Variants in NEBL observed in about 807,000 individuals in gnomAD.
NEBL encodes the protein LIM and SH3 protein 2.
A neutral mutation model predicts 140.2 loss-of-function variants in NEBL; 122 were observed. The observed-to-expected ratio is 0.87, with a 90% CI of 0.75 to 1.01. NEBL has a LOEUF of 1.01. Ranked by LOEUF, NEBL falls within the 50% of genes least tolerant of loss-of-function variation. NEBL has a pLI of 0.00. For synonymous variants in NEBL, 436 were observed against 398.9 expected, an observed-to-expected ratio of 1.09 and a Z score of -1.11; for missense variants, 1,365 against 1,231.3, an observed-to-expected ratio of 1.11 and a Z score of -1.62.
At chr10:20,964,611 A>T (rs112063870) in intron 3 of NEBL, among the ~76,000 whole-genome samples, 2 of 152,174 alleles carry the variant, frequency 1.3e-5, no homozygotes, top group African/African-American at 4.8e-5. Context: ...AACACCTCCC[A>T]TTAGTGCATA....
At chr10:21,207,486 C>T (rs571091834) in intron 3 of NEBL, among the ~76,000 whole-genome samples, 47 of 152,184 alleles carry the variant, frequency 3.1e-4, no homozygotes, top group African/African-American at 9.6e-4. Flanking sequence ...CCTAACAAAA[C>T]CCAGATTTGG....
intron 4 of NEBL, among the ~76,000 whole-genome samples, chr10:20,886,991 G>C (rs1293018861): frequency 6.6e-6 from 1 of 152,204 alleles, no homozygotes; most frequent in African/African-American, 2.4e-5. Context: ...CAAGGAACGA[G>C]ACAGATGAGG....
At chr10:21,107,838 A>G (rs977987378) in intron 2 of NEBL, among the ~76,000 whole-genome samples, 4 of 152,164 alleles carry the variant, frequency 2.6e-5, no homozygotes, top group African/African-American at 9.7e-5. Context: ...TATTGCCTCA[A>G]TTTCAGAACC....
At chr10:20,921,058 T>G (rs1833558091) in intron 4 of NEBL, among the ~76,000 whole-genome samples, 1 of 152,152 alleles carries the variant, frequency 6.6e-6, no homozygotes, top group South Asian at 2.1e-4. Flanking sequence ...ATCAAAAAAG[T>G]AGAAAGAATA....
chr10:21,141,769 C>G (rs1041875492), intron 2 of NEBL, among the ~76,000 whole-genome samples: 2 of 152,206 alleles, frequency 1.3e-5, no homozygotes, highest in African/African-American at 4.8e-5. Flanking sequence ...GTATGTTAAT[C>G]TTTCCTCTGC....
At position 20,809,718 on chromosome 10, in the gene NEBL, AC is replaced by A. The variant is rs145642401; in HGVS notation, c.2611+87del. ...AATTCTCAGCTTTAAAATTTACATT[AC>A]ACAGTACAATGAACCTCTACAGTTC... On this transcript the variant is annotated intron_variant, in intron 25 of 27. Coordinates refer to ENST00000377122, the MANE Select transcript of NEBL (RefSeq NM_006393.3). 3.2e-3 allele frequency: 3,422 copies of A among 1,077,300 alleles called. 77 individuals carry two copies. In the African/African-American group the frequency reaches 0.045, roughly 14 times the overall value. The allele number at this position is 1,077,300 out of a possible 1,614,324, so 66.7% of individuals were successfully genotyped here. A position where few individuals can be genotyped will look rare whatever the true frequency, so the allele number is the denominator to read the frequency against.
intron 2 of NEBL, among the ~76,000 whole-genome samples, chr10:21,148,519 T>TTGTTTC (rs1840004674): frequency 6.6e-6 from 1 of 151,928 alleles, no homozygotes; most frequent in Admixed American, 6.6e-5. Flanking sequence ...CGTTGTTGTT[T>TTGTTTC]TGTTTTTGTT....
At chr10:20,796,253 C>T (rs1836511289) in intron 26 of NEBL, among the ~76,000 whole-genome samples, 1 of 150,932 alleles carries the variant, frequency 6.6e-6, no homozygotes, top group Non-Finnish European at 1.5e-5. Context: ...ATCCCAGCTT[C>T]TCAGGAGGCT....
chr10:20,953,902 T>C (rs1032868042), intron 4 of NEBL, among the ~76,000 whole-genome samples: 3 of 152,064 alleles, frequency 2.0e-5, no homozygotes, highest in African/African-American at 7.2e-5. Context: ...AGCTCTATTC[T>C]AGGCATAACC....
At chr10:21,029,614 G>T in intron 2 of NEBL, 1 of 1,533,568 alleles carries the variant, frequency 6.5e-7, no homozygotes, top group Non-Finnish European at 9.0e-7. Context: ...TTCTGCCACA[G>T]ACAGCTTTGA....
At position 20,826,485 on chromosome 10, in the gene NEBL, T is replaced by G; in HGVS notation, c.1831A>C (p.Ile611Leu). 6.2e-7 allele frequency: 1 copy of G among 1,613,104 alleles called. No homozygotes were observed. The highest frequency in any genetic ancestry group is 1.3e-5 in the African/African-American group (1 of 75,014). The change falls in exon 18 of 28, where the codon ATC becomes CTC. Residue 611 changes from isoleucine (I) to leucine (L), a missense_variant. By Grantham distance (5) the Ile-to-Leu change is conservative (BLOSUM62 2). Around this residue, in one of 2 missense-constraint regions of NEBL, gnomAD observed 1,323 missense variants for 1,154.8 expected, o/e 1.15. Coordinates refer to ENST00000377122, the MANE Select transcript of NEBL (RefSeq NM_006393.3). Reference sequence around the variant, plus strand: ...TGCTGATTTTTCTTCACTCGTTCGATCTCTGGGCTATCTTTCACTGCAGTG... The same window carrying G: ...TGCTGATTTTTCTTCACTCGTTCGAGCTCTGGGCTATCTTTCACTGCAGTG... ...AGTAVKDSPE[I>L]ERVKKNQQNI...
chr10:20,885,710 G>C (rs191301473), intron 4 of NEBL, among the ~76,000 whole-genome samples: 3 of 152,304 alleles, frequency 2.0e-5, no homozygotes, highest in African/African-American at 7.2e-5. Context: ...AGCAATAATA[G>C]ATTGTTTTCC....
chr10:21,164,101 A>C (rs1398820621), intron 2 of NEBL, among the ~76,000 whole-genome samples: 2 of 152,218 alleles, frequency 1.3e-5, no homozygotes, highest in African/African-American at 4.8e-5. Flanking sequence ...AGCCAACCTG[A>C]GCATGGAAGA....
chr10:20,928,329 C>G (rs1834010349), intron 4 of NEBL, among the ~76,000 whole-genome samples: 1 of 152,162 alleles, frequency 6.6e-6, no homozygotes, highest in Non-Finnish European at 1.5e-5. Flanking sequence ...AGGCAGTAGT[C>G]ACATGTGGCC....
rs1250080570 is a variant in NEBL at position 20,831,048 on chromosome 10, T to C, written c.1671+148A>G. The C allele has an allele frequency of 4.4e-6, 3 of 674,412 alleles. No individual in the cohort carries two copies. The African/African-American group carries it at 5.3e-5, about 12-fold the overall frequency. The allele number at this position is 674,412 out of a possible 1,614,324, so 41.8% of individuals were successfully genotyped here. A position where few individuals can be genotyped will look rare whatever the true frequency, so the allele number is the denominator to read the frequency against. On this transcript the variant is annotated intron_variant, in intron 16 of 27. Transcript: ENST00000377122. ...TTGTCCTATTAATTAGTACGGTTAA[T>C]CAAGTTTGGCCAATGGTTTCTTAGT...
chr10:21,178,510 C>T (rs1361095426), upstream of NEBL, among the ~76,000 whole-genome samples: 1 of 152,258 alleles, frequency 6.6e-6, no homozygotes, highest in African/African-American at 2.4e-5. Flanking sequence ...CATTACTACA[C>T]ATCTCACCAG....
chr10:21,230,627 C>G (rs530999043), intron 3 of NEBL, among the ~76,000 whole-genome samples: 30 of 135,998 alleles, frequency 2.2e-4, no homozygotes, highest in Admixed American at 2.1e-3. Context: ...TTTTTTGAGA[C>G]AGGGGCTCGC....
At chr10:21,134,687 T>C (rs1356195960) in intron 2 of NEBL, among the ~76,000 whole-genome samples, 1 of 152,220 alleles carries the variant, frequency 6.6e-6, no homozygotes, top group East Asian at 1.9e-4. Flanking sequence ...AATTAGTGTA[T>C]GTTTAGCAAT....
chr10:20,923,279 G>A (rs919361456), intron 4 of NEBL, among the ~76,000 whole-genome samples: 5 of 151,862 alleles, frequency 3.3e-5, no homozygotes, highest in Non-Finnish European at 5.9e-5. Flanking sequence ...TGTTGCCCAC[G>A]CTGGTCTCAA....
Sources: allele counts gnomAD v4.1 joint callset (sites outside exome capture counted in the v4.1 genomes callset), GRCh38; gene constraint gnomAD v4.1.1; regional missense constraint gnomAD v4.1.1; transcripts MANE v1.5; gene names NCBI Gene and HGNC (gene_info 2026-07-23, HGNC 2026-07-21).